RYR2: variants seen among roughly 807,000 people sequenced by gnomAD.
RYR2 encodes the protein ryanodine receptor 2, also known as cardiac muscle ryanodine receptor-calcium release channel.
A neutral mutation model predicts 601.1 loss-of-function variants in RYR2; 227 were observed. That is an observed-to-expected ratio of 0.38 (90% CI 0.34 to 0.42). The LOEUF is 0.42. Among genes scored for constraint, RYR2 ranks in the 10% least tolerant of loss-of-function variants. The pLI is 1.00. For missense variants in RYR2, 4,646 were observed against 6,156.5 expected (o/e 0.75, Z 8.21); for synonymous variants, 2,223 against 2,175.1 (o/e 1.02, Z -0.61).
intron 12 of RYR2, among the ~76,000 whole-genome samples, chr1:237,433,949 A>G (rs1031045306): frequency 3.3e-5 from 5 of 152,228 alleles, no homozygotes; most frequent in Non-Finnish European, 7.3e-5. Context: ...GCTGGTTGAC[A>G]TAATTACTGT....
intron 1 of RYR2, among the ~76,000 whole-genome samples, chr1:237,113,216 T>A (rs1004565992): frequency 1.3e-5 from 2 of 152,018 alleles, no homozygotes; most frequent in Admixed American, 6.6e-5. Flanking sequence ...TTTTATTTTT[T>A]GAGATGGAAT....
chr1:237,535,302 A>T (rs1051787220), intron 25 of RYR2, among the ~76,000 whole-genome samples: 1 of 152,018 alleles, frequency 6.6e-6, no homozygotes, highest in African/African-American at 2.4e-5. Context: ...TTGACAAAGG[A>T]AAAAGAAAAA....
rs145973109 is a variant in RYR2 at position 237,383,025 on chromosome 1, C to T, written c.577-4256C>T. Among the ~76,000 whole-genome samples the T allele has an allele frequency of 8.1e-3, 1,227 of 151,112 alleles. 12 individuals are homozygous for T. The highest frequency in any genetic ancestry group is 0.011 in the Non-Finnish European group (743 of 67,864). ...GTTCAGAATGTTGCATCACCAGGGC[C>T]GAAGTACCTGAAAGTTTAATAAAAA... On this transcript the variant is annotated intron_variant, in intron 8 of 104. Coordinates refer to ENST00000366574, the MANE Select transcript of RYR2 (RefSeq NM_001035.3).
At chr1:237,606,258 A>C (rs77184284) in intron 35 of RYR2, among the ~76,000 whole-genome samples, 29,749 of 152,098 alleles carry the variant, frequency 0.2, 3,297 homozygotes, top group East Asian at 0.47. Context: ...CTCAGAAACA[A>C]CACCACACAT....
intron 12 of RYR2, among the ~76,000 whole-genome samples, chr1:237,436,935 G>C (rs1339330409): frequency 6.6e-6 from 1 of 150,740 alleles, no homozygotes; most frequent in African/African-American, 2.4e-5. Context: ...TTCAGAAATA[G>C]GTATGGCTTC....
chr1:237,760,977 G>C lies in RYR2; in HGVS notation c.11425G>C (p.Glu3809Gln). The C allele has an allele frequency of 6.3e-7, 1 of 1,575,394 alleles. No individual in the cohort carries two copies. Among genetic ancestry groups the C allele is most frequent in the Non-Finnish European group, 8.6e-7 (1 of 1,158,854 alleles). ...TAGTGTCCTTGACCTAAATGCATTT[G>C]AGCGACAAAACAAAGCTGAAGGTCT... ...SCSVLDLNAF[E>Q]RQNKAEGLGM... The change falls in exon 84 of 105, where the codon GAG becomes CAG. Residue 3809 changes from glutamate (E) to glutamine (Q), a missense_variant. Physicochemically the swap from Glu to Gln is conservative, Grantham distance 29. Around this residue, in one of 17 missense-constraint regions of RYR2, gnomAD observed 1,497 missense variants for 1,842.6 expected, o/e 0.81. Transcript: ENST00000366574.
intron 80 of RYR2, 118 bp downstream of exon 80, chr1:237,742,467 A>G: frequency 2.6e-6 from 2 of 778,362 alleles, no homozygotes; most frequent in Non-Finnish European, 4.3e-6. Context: ...GTGTCAAGGA[A>G]CTGCATGTCA....
chr1:237,668,378 T>A (rs866772579), intron 58 of RYR2, among the ~76,000 whole-genome samples: 2 of 152,238 alleles, frequency 1.3e-5, no homozygotes, highest in African/African-American at 4.8e-5. Flanking sequence ...CCCGTTTTTT[T>A]ATTCAAATAC....
intron 1 of RYR2, among the ~76,000 whole-genome samples, chr1:237,130,402 C>A (rs1479159347): frequency 6.6e-6 from 1 of 152,028 alleles, no homozygotes; most frequent in Non-Finnish European, 1.5e-5. Flanking sequence ...TATTACAGGG[C>A]CTTATGTCCC....
intron 1 of RYR2, among the ~76,000 whole-genome samples, chr1:237,151,699 C>T (rs1161104477): frequency 6.6e-6 from 1 of 152,126 alleles, no homozygotes; most frequent in African/African-American, 2.4e-5. Context: ...ATGATGCAGA[C>T]GTCATGATGA....
chr1:237,736,578 G>C (rs1290240256), intron 79 of RYR2, among the ~76,000 whole-genome samples: 2 of 152,136 alleles, frequency 1.3e-5, no homozygotes, highest in South Asian at 2.1e-4. Flanking sequence ...CTCTCTCTCT[G>C]AAGACAAAAG....
rs1378161090 is a variant in RYR2, at chr1:237,639,141, A to G, written c.7055A>G (p.Lys2352Arg). The G allele has an allele frequency of 6.2e-7, 1 of 1,613,800 alleles. No individual in the cohort carries two copies. The highest frequency in any genetic ancestry group is 8.5e-7 in the Non-Finnish European group (1 of 1,179,852). The change falls in exon 46 of 105, where the codon AAA becomes AGA. Residue 2352 changes from lysine to arginine, a missense_variant. Lys to Arg is a conservative substitution (Grantham distance 26). This residue lies in a region of RYR2 where 1,497 missense variants were observed against 1,842.6 expected (regional missense o/e 0.81). Coordinates refer to ENST00000366574, the MANE Select transcript of RYR2 (RefSeq NM_001035.3). ...CTTGCAGCAATGGAAGAAGCCATCA[A>G]AATCGCCGAGGATCCTTCCCGAGAT... ...GLLAAMEEAI[K>R]IAEDPSRDGP...
chr1:237,053,555 A>C (rs1368806833), intron 1 of RYR2, among the ~76,000 whole-genome samples: 1 of 152,208 alleles, frequency 6.6e-6, no homozygotes, highest in Non-Finnish European at 1.5e-5. Flanking sequence ...AAACTGGTGA[A>C]GGATAAGAGA....
chr1:237,792,366 T>TGTGCGCGC (rs1553327292), intron 94 of RYR2, 43 bp downstream of exon 94: 101 of 805,154 alleles, frequency 1.3e-4, no homozygotes, highest in African/African-American at 7.8e-4. Flanking sequence ...TGTGTGTGTG[T>TGTGCGCGC]GTGTGTGTGT....
At chr1:237,732,599 A>G (rs964484813) in intron 78 of RYR2, among the ~76,000 whole-genome samples, 2 of 152,164 alleles carry the variant, frequency 1.3e-5, no homozygotes, top group Non-Finnish European at 2.9e-5. Context: ...ACTTGGAGGT[A>G]TCTCTGAGAT....
intron 2 of RYR2, among the ~76,000 whole-genome samples, chr1:237,284,710 C>A (rs1488563366): frequency 1.6e-5 from 2 of 122,302 alleles, no homozygotes; most frequent in Non-Finnish European, 3.6e-5. Context: ...ATAAACACCC[C>A]CCCACACACA....
intron 34 of RYR2, among the ~76,000 whole-genome samples, chr1:237,597,266 T>C (rs1675991425): frequency 6.6e-6 from 1 of 151,490 alleles, no homozygotes; most frequent in Non-Finnish European, 1.5e-5. Context: ...GAAATATAAA[T>C]TGTGAGGGGA....
At chr1:237,133,736 A>G (rs1672427151) in intron 1 of RYR2, among the ~76,000 whole-genome samples, 2 of 151,738 alleles carry the variant, frequency 1.3e-5, no homozygotes, top group African/African-American at 4.8e-5. Flanking sequence ...GACCAGCCTG[A>G]CCAACATGGT....
chr1:237,743,074 G>GT (rs889512699), intron 80 of RYR2, among the ~76,000 whole-genome samples: 3 of 151,374 alleles, frequency 2.0e-5, no homozygotes, highest in Admixed American at 6.6e-5. Context: ...GTTTTGTTTT[G>GT]TTTTTTTAGA....
Sources: gnomAD v4.1 joint callset for allele counts (sites outside exome capture counted in the v4.1 genomes callset) on GRCh38, gnomAD v4.1.1 for gene constraint, gnomAD v4.1.1 regional missense constraint, MANE v1.5 for transcripts, NCBI Gene and HGNC (gene_info 2026-07-23, HGNC 2026-07-21) for gene names.